The following TRIQK variants were observed in gnomAD, a reference collection of about 807,000 sequenced individuals.
TRIQK encodes the protein triple QxxK/R motif containing, also known as triple QxxK/R motif-containing protein.
A neutral mutation model predicts 10.8 loss-of-function variants in TRIQK; 10 were observed. That is an observed-to-expected ratio of 0.92 (90% CI 0.57 to 1.57). The LOEUF (loss-of-function observed/expected upper bound fraction) is 1.57, where lower values mean the gene tolerates loss of function less well. Among genes scored for constraint, TRIQK ranks in the 40% most tolerant of loss-of-function variants. The probability of loss-of-function intolerance (pLI) is 0.00; values close to 1 mark genes in which losing one functional copy is unlikely to be tolerated. For synonymous variants in TRIQK, 33 were observed against 33.7 expected, an observed-to-expected ratio of 0.98 and a Z score of 0.07; for missense variants, 107 against 97.7, an observed-to-expected ratio of 1.09 and a Z score of -0.40.
intron 2 of TRIQK, among the ~76,000 whole-genome samples, chr8:92,951,829 C>A (rs1460818331): frequency 6.6e-6 from 1 of 152,044 alleles, no homozygotes; most frequent in Non-Finnish European, 1.5e-5. Flanking sequence ...CTCTAGCTTT[C>A]CATGTGGAGG....
intron 2 of TRIQK, among the ~76,000 whole-genome samples, chr8:92,928,629 C>CT (rs1563639983): frequency 6.6e-6 from 1 of 152,138 alleles, no homozygotes; most frequent in Non-Finnish European, 1.5e-5. Flanking sequence ...CATTGATTAT[C>CT]TTTTTAACAA....
At position 92,883,754 on chromosome 8, in the gene TRIQK, C is replaced by A. The variant is rs1342809220; in HGVS notation, c.*2868G>T. 2 of 151,656 alleles carry A rather than the reference C, an allele frequency of 1.3e-5. No homozygotes were observed. Among genetic ancestry groups the A allele is most frequent in the Admixed American group, 1.3e-4 (2 of 15,170 alleles). The allele number at this position is 151,656 out of a possible 1,614,324, so 9.4% of individuals were successfully genotyped here. ...GTCATTGGTTGGGGTGAAAGTATTT[C>A]TTCTGTCTTCATGAAAAATTAAAAA... On this transcript the variant is annotated 3_prime_UTR_variant, in exon 5 of 5. Transcript: ENST00000521988.
intron 2 of TRIQK, among the ~76,000 whole-genome samples, chr8:92,921,831 T>C (rs1810206529): frequency 6.6e-6 from 1 of 151,886 alleles, no homozygotes; most frequent in Admixed American, 6.6e-5. Context: ...ATTAAGGTTC[T>C]AAAACACTAA....
chr8:92,967,699 G>C (rs1812808121), upstream of TRIQK, among the ~76,000 whole-genome samples: 1 of 151,558 alleles, frequency 6.6e-6, no homozygotes, highest in Non-Finnish European at 1.5e-5. Context: ...GCAGGCACCT[G>C]TAATCCCAGC....
intron 2 of TRIQK, chr8:92,922,463 A>C (rs1810238310): frequency 2.6e-5 from 4 of 151,614 alleles, no homozygotes; most frequent in Non-Finnish European, 4.4e-5. Context: ...ACTATGCTTA[A>C]TTTTTTCTTA....
chr8:93,012,387 T>C (rs1813343751), intron 1 of TRIQK, among the ~76,000 whole-genome samples: 2 of 152,174 alleles, frequency 1.3e-5, no homozygotes, highest in Admixed American at 1.3e-4. Flanking sequence ...CAAAATCTCA[T>C]GAATATATAA....
At chr8:92,946,535 CCT>C (rs1171101644) in intron 2 of TRIQK, among the ~76,000 whole-genome samples, 2 of 152,082 alleles carry the variant, frequency 1.3e-5, no homozygotes, top group African/African-American at 2.4e-5. Flanking sequence ...ACTCTGAACC[CCT>C]GTCTTTAAAA....
chr8:92,916,739 C>G (rs1420734480), intron 3 of TRIQK, among the ~76,000 whole-genome samples, 190 bp downstream of exon 3: 2 of 152,056 alleles, frequency 1.3e-5, no homozygotes, highest in East Asian at 1.9e-4. Context: ...ATCGTAAGTA[C>G]ATGAAGTTCA....
At chr8:92,913,481 G>A (rs899656046) in intron 3 of TRIQK, among the ~76,000 whole-genome samples, 1 of 152,188 alleles carries the variant, frequency 6.6e-6, no homozygotes, top group Non-Finnish European at 1.5e-5. Flanking sequence ...ACATGCTGGA[G>A]AGGATGTGGA....
intron 2 of TRIQK, among the ~76,000 whole-genome samples, chr8:92,939,823 A>G (rs1472040832): frequency 3.3e-5 from 5 of 152,214 alleles, no homozygotes; most frequent in Non-Finnish European, 7.3e-5. Context: ...CCATACCCAG[A>G]GGGAAGCAAA....
intron 1 of TRIQK, among the ~76,000 whole-genome samples, chr8:93,016,339 A>G (rs1352637497): frequency 6.6e-6 from 1 of 152,198 alleles, no homozygotes; most frequent in African/African-American, 2.4e-5. Flanking sequence ...AGGTTTTAAA[A>G]TCAGTTGTTA....
Position 92,939,845 on chromosome 8 carries a change from C to A in TRIQK, c.-22+14561G>T, listed in dbSNP as rs536722415. Among the ~76,000 whole-genome samples the A allele has an allele frequency of 3.9e-5, 6 of 152,308 alleles. No homozygotes were observed. The South Asian group carries it at 8.3e-4, about 21-fold the overall frequency. ...CAGAGGGAAGCAAACCCTCATCATG[C>A]ATTCCTAAGGAGCATAGCCTCAGGT... On this transcript the variant is annotated intron_variant, in intron 2 of 4. Coordinates refer to ENST00000521988, the MANE Select transcript of TRIQK (RefSeq NM_001171797.2).
At chr8:92,966,980 CAAAAA>C (rs10655820), upstream of TRIQK, among the ~76,000 whole-genome samples, 19 of 68,858 alleles carry the variant, frequency 2.8e-4, no homozygotes, top group African/African-American at 9.8e-4. Context: ...AAGTAGCATA[CAAAAA>C]AAAAAAAAAA....
chr8:92,918,959 G>A (rs1810021267), intron 2 of TRIQK, among the ~76,000 whole-genome samples: 1 of 151,570 alleles, frequency 6.6e-6, no homozygotes, highest in Admixed American at 6.6e-5. Context: ...GTTTTCCCAG[G>A]ACCATTTATT....
At chr8:92,906,778 A>G (rs1809287535) in intron 3 of TRIQK, among the ~76,000 whole-genome samples, 1 of 151,222 alleles carries the variant, frequency 6.6e-6, no homozygotes, top group Non-Finnish European at 1.5e-5. Context: ...CTGTGGTCCC[A>G]GCTACTCAGG....
intron 2 of TRIQK, among the ~76,000 whole-genome samples, chr8:92,933,186 G>A (rs948980921): frequency 2.0e-5 from 3 of 151,890 alleles, no homozygotes; most frequent in Admixed American, 6.6e-5. Context: ...ATTCTACTAC[G>A]CCCTTTCCAC....
At chr8:92,913,590 AC>A (rs1809679018) in intron 3 of TRIQK, among the ~76,000 whole-genome samples, 1 of 152,206 alleles carries the variant, frequency 6.6e-6, no homozygotes, top group African/African-American at 2.4e-5. Context: ...AACCAAAAAT[AC>A]CATTTGACCA....
chr8:92,980,293 T>C (rs1300273900), intron 1 of TRIQK, among the ~76,000 whole-genome samples: 3 of 152,090 alleles, frequency 2.0e-5, no homozygotes. Context: ...TTATTCCTTT[T>C]TAAAATATGC....
At chr8:92,911,600 C>T (rs535974391) in intron 3 of TRIQK, among the ~76,000 whole-genome samples, 141 of 151,114 alleles carry the variant, frequency 9.3e-4, no homozygotes, top group African/African-American at 3.1e-3. Flanking sequence ...CCATGCAAAT[C>T]GTAACCCAAA....
Sources: allele counts gnomAD v4.1 joint callset (sites outside exome capture counted in the v4.1 genomes callset), GRCh38; gene constraint gnomAD v4.1.1; transcripts MANE v1.5; gene names NCBI Gene and HGNC (gene_info 2026-07-23, HGNC 2026-07-21).